Variants in IL21R observed in about 807,000 individuals in gnomAD.
The protein encoded by IL21R is interleukin-21 receptor.
Under a neutral mutation model 41.3 loss-of-function variants are expected in IL21R, and 14 were observed. The ratio of observed to expected loss-of-function variants is 0.34; its 90% confidence interval spans 0.22 to 0.53. The LOEUF is 0.53. Ranked by LOEUF, IL21R falls within the 20% of genes least tolerant of loss-of-function variation. The pLI, the probability that IL21R is intolerant of heterozygous loss-of-function variation, is 0.94. For synonymous variants in IL21R, 286 were observed against 287.6 expected (o/e 0.99, Z 0.05); for missense variants, 588 against 681.6 (o/e 0.86, Z 1.53).
At chr16:27,440,248 T>TATATATATATAGAGAGAGAGAGAGAG (rs1352160946) in intron 4 of IL21R, among the ~76,000 whole-genome samples, 4 of 64,040 alleles carry the variant, frequency 6.2e-5, no homozygotes, top group Non-Finnish European at 2.7e-5. Context: ...TATATATATA[T>TATATATATATAGAGAGAGAGAGAGAG]AGAGAGAGAG....
chr16:27,427,452 A>C, intron 1 of IL21R: 1 of 404,380 alleles, frequency 2.5e-6, no homozygotes, highest in Non-Finnish European at 3.3e-6. Flanking sequence ...CTGGAGTGCA[A>C]TAGTGCAATC....
intron 3 of IL21R, 44 bp from the exon 4 acceptor site, chr16:27,437,444 C>T: frequency 6.5e-7 from 1 of 1,533,660 alleles, no homozygotes; most frequent in Non-Finnish European, 9.0e-7. Context: ...ACCATCCCCC[C>T]TGCCCCTGGC....
chr16:27,437,583 T>G lies in IL21R; in HGVS notation c.248T>G (p.Met83Arg). 1.9e-6 allele frequency: 3 copies of G among 1,614,248 alleles called. No individual in the cohort carries two copies. Among genetic ancestry groups the G allele is most frequent in the Non-Finnish European group, 2.5e-6 (3 of 1,180,032 alleles). ...ACGCATGCCACCTACACCTGCCACA[T>G]GGATGTATTCCACTTCATGGCCGAC... is the stretch of plus-strand genomic sequence containing the variant. ...NATHATYTCHMDVFHFMADDI... is the reference protein window; with the variant it reads ...NATHATYTCHRDVFHFMADDI... The change falls in exon 4 of 9, where the codon ATG becomes AGG. Residue 83 changes from methionine (M) to arginine (R), a missense_variant. Transcript: ENST00000337929.
intron 1 of IL21R, among the ~76,000 whole-genome samples, chr16:27,410,858 C>T (rs2086812572): frequency 1.3e-5 from 2 of 152,204 alleles, no homozygotes; most frequent in African/African-American, 4.8e-5. Flanking sequence ...ATCAGCATTC[C>T]ACTTTCTGTT....
In IL21R at chr16:27,418,230, C is replaced by T. The variant is rs4613072; in HGVS notation, c.-16-11826C>T. ...GACTACAGGCGCCTGCCACTGCGCCCGGCTAATTTTTTGTATTTTTAGTAG... is the reference window on the plus strand; with the variant it reads ...GACTACAGGCGCCTGCCACTGCGCCTGGCTAATTTTTTGTATTTTTAGTAG... On this transcript the variant is annotated intron_variant, in intron 1 of 8. Transcript: ENST00000337929. Among the ~76,000 whole-genome samples, 762 of 151,292 alleles carry T rather than the reference C, an allele frequency of 5.0e-3. 8 individuals are homozygous for T. Among genetic ancestry groups the T allele is most frequent in the Admixed American group, 0.025 (374 of 15,156 alleles).
chr16:27,449,548 T>C lies in IL21R; in HGVS notation c.*265T>C, dbSNP rs1326269369. On this transcript the variant is annotated 3_prime_UTR_variant, in exon 9 of 9. Transcript: ENST00000337929. ...GCCTGTGGGCCTGGGATAATGCCCA[T>C]GGTACTCCATGCATTCACCTGCCCT... 2.1e-5 allele frequency: 11 copies of C among 533,292 alleles called. No homozygotes were observed. Among genetic ancestry groups the C allele is most frequent in the Admixed American group, 1.4e-4 (4 of 28,234 alleles). 33.0% of individuals were successfully genotyped at this position (533,292 alleles called of 1,614,324 possible).
At chr16:27,430,339 G>A (rs886437228) in intron 2 of IL21R, among the ~76,000 whole-genome samples, 2 of 152,220 alleles carry the variant, frequency 1.3e-5, no homozygotes, top group African/African-American at 4.8e-5. Context: ...CGGTAGACAT[G>A]AGTCTCAGGT....
At chr16:27,405,115 C>T (rs2086721507) in intron 1 of IL21R, among the ~76,000 whole-genome samples, 1 of 151,892 alleles carries the variant, frequency 6.6e-6, no homozygotes, top group African/African-American at 2.4e-5. Flanking sequence ...TCACTGCAAC[C>T]TTCATCTCCC....
At chr16:27,416,839 A>C (rs1293982329) in intron 1 of IL21R, among the ~76,000 whole-genome samples, 2 of 152,158 alleles carry the variant, frequency 1.3e-5, no homozygotes, top group African/African-American at 4.8e-5. Context: ...GGATCTGCCA[A>C]TGCTGGACAT....
chr16:27,409,989 T>G (rs898349932), intron 1 of IL21R, among the ~76,000 whole-genome samples: 8 of 152,194 alleles, frequency 5.3e-5, no homozygotes, highest in African/African-American at 1.4e-4. Flanking sequence ...CCACCACTTA[T>G]TTATGTTTTC....
chr16:27,413,748 G>A (rs1324377446), intron 1 of IL21R, among the ~76,000 whole-genome samples: 1 of 151,874 alleles, frequency 6.6e-6, no homozygotes, highest in East Asian at 1.9e-4. Flanking sequence ...GTTCATAGTA[G>A]TCTCTTAGAA....
chr16:27,428,181 C>A (rs2141281062), intron 1 of IL21R, among the ~76,000 whole-genome samples: 1 of 141,298 alleles, frequency 7.1e-6, no homozygotes, highest in East Asian at 2.3e-4. Context: ...TTATGCAAAT[C>A]ACCTCCTTGA....
intron 1 of IL21R, among the ~76,000 whole-genome samples, chr16:27,412,889 C>T (rs1409406908): frequency 6.6e-6 from 1 of 151,968 alleles, no homozygotes; most frequent in African/African-American, 2.4e-5. Context: ...TTAGGGTTTC[C>T]TACATATAAA....
At chr16:27,448,146 C>T in intron 8 of IL21R, 1 of 182,428 alleles carries the variant, frequency 5.5e-6, no homozygotes, top group South Asian at 1.3e-4. Context: ...CTGTGTCTGT[C>T]TTTCTGTCTG....
chr16:27,449,799 C>T lies in IL21R; in HGVS notation c.*516C>T, dbSNP rs2087558413. ...GAGCTGCAAGAAGTCCATATTGTTC[C>T]TTATCACCTGCCAACAGGAAGCGAA... is the stretch of plus-strand genomic sequence containing the variant. On this transcript the variant is annotated 3_prime_UTR_variant, in exon 9 of 9. Coordinates refer to ENST00000337929, the MANE Select transcript of IL21R (RefSeq NM_181078.3). 4.2e-6 allele frequency: 1 copy of T among 236,598 alleles called. No individual in the cohort carries two copies. Among genetic ancestry groups the T allele is most frequent in the Non-Finnish European group, 8.3e-6 (1 of 120,050 alleles). 14.7% of individuals were successfully genotyped at this position (236,598 alleles called of 1,614,324 possible).
intron 1 of IL21R, among the ~76,000 whole-genome samples, chr16:27,419,632 T>C (rs1014000743): frequency 6.6e-6 from 1 of 152,160 alleles, no homozygotes; most frequent in Non-Finnish European, 1.5e-5. Context: ...TTCACCATGT[T>C]GGCCAGGCTG....
intron 1 of IL21R, among the ~76,000 whole-genome samples, chr16:27,426,028 CTT>C (rs1342480512): frequency 2.0e-5 from 3 of 152,192 alleles, no homozygotes; most frequent in African/African-American, 4.8e-5. Context: ...TTAAGTAACA[CTT>C]ATATAATATC....
intron 1 of IL21R, among the ~76,000 whole-genome samples, chr16:27,411,761 G>A (rs113746681): frequency 0.028 from 4,326 of 152,172 alleles, 99 homozygotes; most frequent in South Asian, 0.11. Flanking sequence ...ACCACACCCG[G>A]CCATTTTTAA....
intron 1 of IL21R, among the ~76,000 whole-genome samples, chr16:27,403,814 C>T (rs562141087): frequency 6.6e-6 from 1 of 152,328 alleles, no homozygotes; most frequent in African/African-American, 2.4e-5. Flanking sequence ...TGGCCAGCCA[C>T]CTGGCTCTGG....
Sources: allele counts gnomAD v4.1 joint callset (sites outside exome capture counted in the v4.1 genomes callset), GRCh38; gene constraint gnomAD v4.1.1; transcripts MANE v1.5; gene names NCBI Gene and HGNC (gene_info 2026-07-23, HGNC 2026-07-21).